PDPN: variants seen among roughly 807,000 people sequenced by gnomAD.
PDPN encodes the protein podoplanin, also known as PA2.26 antigen.
Under a neutral mutation model 23.2 loss-of-function variants are expected in PDPN, and 12 were observed. The ratio of observed to expected loss-of-function variants is 0.52; its 90% CI spans 0.33 to 0.84. The LOEUF (loss-of-function observed/expected upper bound fraction) is 0.84. PDPN is among the 40% of genes least tolerant of loss of function. PDPN has a pLI of 0.02. For missense variants in PDPN, 199 were observed against 212.2 expected (o/e 0.94, Z 0.39); for synonymous variants, 77 against 76.7 (o/e 1.00, Z -0.02).
At chr1:13,611,368 G>A (rs1022605950) in intron 3 of PDPN, among the ~76,000 whole-genome samples, 4 of 141,744 alleles carry the variant, frequency 2.8e-5, no homozygotes, top group South Asian at 2.4e-4. Flanking sequence ...TAAGCAAAAT[G>A]TAGTGTATAT....
At position 13,583,880 on chromosome 1, in the gene PDPN, A is replaced by G. The variant is rs1371831768; in HGVS notation, c.-154A>G. 1 of 1,609,110 alleles carries G rather than the reference A, an allele frequency of 6.2e-7. No individual in the cohort carries two copies. Among genetic ancestry groups the G allele is most frequent in the Admixed American group, 1.7e-5 (1 of 59,416 alleles). ...TGCCTAGGGTCTGGGAAGCTCGGGC[A>G]CCCTCCCTCTCCGGGGCTCCTGCTC... On this transcript the variant is annotated 5_prime_UTR_variant, in exon 1 of 6. Coordinates refer to ENST00000621990, the MANE Select transcript of PDPN (RefSeq NM_006474.5).
At chr1:13,610,651 A>G (rs1385735749) in intron 3 of PDPN, 135 bp downstream of exon 3, 5 of 851,268 alleles carry the variant, frequency 5.9e-6, no homozygotes, top group Admixed American at 2.8e-5. Flanking sequence ...CAAGCTTTAT[A>G]TGGTAGGTTC....
intron 1 of PDPN, chr1:13,585,437 G>A (rs1640150426): frequency 7.9e-7 from 1 of 1,260,910 alleles, no homozygotes; most frequent in South Asian, 1.3e-5. Flanking sequence ...AATATATACA[G>A]TTCTGTATTT....
intron 1 of PDPN, among the ~76,000 whole-genome samples, chr1:13,594,453 C>CT (rs1640434643): frequency 6.6e-6 from 1 of 152,134 alleles, no homozygotes; most frequent in Non-Finnish European, 1.5e-5. Context: ...TAGGGCAGCT[C>CT]AGTCTACTCC....
chr1:13,592,738 C>T (rs1402126444), intron 1 of PDPN, among the ~76,000 whole-genome samples: 1 of 151,774 alleles, frequency 6.6e-6, no homozygotes, highest in Non-Finnish European at 1.5e-5. Flanking sequence ...TTAGTAGAGT[C>T]GTGGTTTCTC....
chr1:13,605,924 A>C (rs940770641), intron 1 of PDPN, among the ~76,000 whole-genome samples: 1 of 151,944 alleles, frequency 6.6e-6, no homozygotes, highest in African/African-American at 2.4e-5. Flanking sequence ...CCTGGCCCAG[A>C]AACCTTTCTC....
chr1:13,583,974 T>C lies in PDPN; in HGVS notation c.-60T>C, dbSNP rs777666469. On this transcript the variant is annotated 5_prime_UTR_variant, in exon 1 of 6. Coordinates refer to ENST00000621990, the MANE Select transcript of PDPN (RefSeq NM_006474.5). Reference sequence around the variant, plus strand: ...CCTGTGGCCGCGGTGCTTTTTAATTTTCCCCCAGCTCAGAATCTTGCTGCT... The same window carrying C: ...CCTGTGGCCGCGGTGCTTTTTAATTCTCCCCCAGCTCAGAATCTTGCTGCT... 1.2e-6 allele frequency: 2 copies of C among 1,613,726 alleles called. No homozygotes were observed. Among genetic ancestry groups the C allele is most frequent in the Non-Finnish European group, 1.7e-6 (2 of 1,180,026 alleles).
At chr1:13,600,371 C>CTTT (rs34705737) in intron 1 of PDPN, among the ~76,000 whole-genome samples, 2 of 146,056 alleles carry the variant, frequency 1.4e-5, no homozygotes, top group African/African-American at 5.0e-5. Context: ...TCACTTAACT[C>CTTT]TTTTTTTTTT....
At chr1:13,603,332 G>A (rs536467823) in intron 1 of PDPN, among the ~76,000 whole-genome samples, 232 of 152,190 alleles carry the variant, frequency 1.5e-3, no homozygotes, top group Non-Finnish European at 1.5e-3. Flanking sequence ...GTAGTGAGCC[G>A]AAATTGTACC....
chr1:13,608,504 GT>G (rs1269856485), intron 2 of PDPN, among the ~76,000 whole-genome samples: 2 of 152,104 alleles, frequency 1.3e-5, no homozygotes, highest in Non-Finnish European at 2.9e-5. Flanking sequence ...TTAGGCTTTG[GT>G]TTTCTCTGCC....
At chr1:13,614,468 C>G (rs1165189682) in intron 5 of PDPN, 57 bp downstream of exon 5, 1 of 911,924 alleles carries the variant, frequency 1.1e-6, no homozygotes, top group Non-Finnish European at 1.8e-6. Flanking sequence ...GTGTCTAGAA[C>G]TCAAATCTTT....
intron 1 of PDPN, among the ~76,000 whole-genome samples, chr1:13,591,757 C>T (rs1324204807): frequency 5.9e-5 from 9 of 152,202 alleles, no homozygotes. Flanking sequence ...AGCAGTAGCA[C>T]AGTCATAGCT....
At chr1:13,595,808 G>C (rs549302761) in intron 1 of PDPN, 3 of 1,200,554 alleles carry the variant, frequency 2.5e-6, no homozygotes, top group Admixed American at 2.3e-5. Flanking sequence ...CTTCAGCTAT[G>C]CCGTCTCTTT....
At chr1:13,612,419 CT>C (rs1301525419) in intron 3 of PDPN, among the ~76,000 whole-genome samples, 1 of 152,148 alleles carries the variant, frequency 6.6e-6, no homozygotes, top group Non-Finnish European at 1.5e-5. Flanking sequence ...CCAATGGTGT[CT>C]TTGATAATGG....
chr1:13,601,624 T>A (rs1055129155), intron 1 of PDPN, among the ~76,000 whole-genome samples: 9 of 152,216 alleles, frequency 5.9e-5, no homozygotes, highest in Non-Finnish European at 1.0e-4. Context: ...ACCAAAGTGC[T>A]GGGATTACAG....
rs2100275847 is a variant in PDPN, at chr1:13,610,273, G to A, written c.202-114G>A. On this transcript the variant is annotated intron_variant, in intron 2 of 5. Coordinates refer to ENST00000621990, the MANE Select transcript of PDPN (RefSeq NM_006474.5). ...TCATTTTCTTCTACTTGCAATTCAT[G>A]CCATCATATGTTCCATATTTTTATG... The A allele has an allele frequency of 3.9e-6, 3 of 776,070 alleles. No individual in the cohort carries two copies. In the East Asian group the frequency reaches 8.2e-5, roughly 21 times the overall value. The allele number at this position is 776,070 out of a possible 1,614,324, so 48.1% of individuals were successfully genotyped here.
chr1:13,598,451 CAGAA>C (rs1640553837), intron 1 of PDPN, among the ~76,000 whole-genome samples: 1 of 152,140 alleles, frequency 6.6e-6, no homozygotes, highest in East Asian at 1.9e-4. Context: ...TCTTAGATAA[CAGAA>C]AGAATCTAAG....
In PDPN at chr1:13,610,426, G is replaced by A. The variant is rs1422234456; in HGVS notation, c.241G>A (p.Glu81Lys). 1.2e-5 allele frequency: 19 copies of A among 1,613,666 alleles called. No individual in the cohort carries two copies. Among genetic ancestry groups the A allele is most frequent in the East Asian group, 2.2e-5 (1 of 44,888 alleles). The change falls in exon 3 of 6, where the codon GAG becomes AAG. Residue 81 changes from glutamate to lysine, a missense_variant. Glu to Lys is a moderately conservative substitution (Grantham distance 56). Coordinates refer to ENST00000621990, the MANE Select transcript of PDPN (RefSeq NM_006474.5). ...CAACAGTGTAACAGGCATTCGCATC[G>A]AGGATCTGCCAACTTCAGAAAGCAC... Reference protein sequence around the residue: ...SVNSVTGIRIEDLPTSESTVH... With the variant: ...SVNSVTGIRIKDLPTSESTVH...
In PDPN at chr1:13,604,593, A is replaced by G. The variant is rs1401590212; in HGVS notation, c.68-2580A>G. 3.4e-5 allele frequency among the ~76,000 whole-genome samples: 5 copies of G among 147,212 alleles called. No homozygotes were observed. In the East Asian group the frequency reaches 9.9e-4, roughly 29 times the overall value. ...CTATGAAAGAATTCAATCTAATTTC[A>G]TTGAGCACTTGATTTTTTTTTTTTA... On this transcript the variant is annotated intron_variant, in intron 1 of 5. Transcript: ENST00000621990.
Sources: gnomAD v4.1 joint callset for allele counts (sites outside exome capture counted in the v4.1 genomes callset) on GRCh38, gnomAD v4.1.1 for gene constraint, MANE v1.5 for transcripts, NCBI Gene and HGNC (gene_info 2026-07-23, HGNC 2026-07-21) for gene names.